Variants in ITGA8 observed in about 807,000 individuals in gnomAD.
ITGA8 encodes the protein integrin subunit alpha 8.
ITGA8 carries 91 observed loss-of-function variants against 142.3 expected under a neutral mutation model. The observed-to-expected ratio is 0.64, with a 90% confidence interval of 0.54 to 0.76. ITGA8 has a LOEUF of 0.76. Ranked by LOEUF, ITGA8 falls within the 30% of genes least tolerant of loss-of-function variation. The probability of loss-of-function intolerance (pLI) is 0.00; values close to 1 mark genes in which losing one functional copy is unlikely to be tolerated. For missense variants in ITGA8, 1,406 were observed against 1,327.7 expected (o/e 1.06, Z -0.92); for synonymous variants, 505 against 485.2 (o/e 1.04, Z -0.54).
At chr10:15,612,259 G>C (rs1833311705) in intron 15 of ITGA8, among the ~76,000 whole-genome samples, 1 of 152,086 alleles carries the variant, frequency 6.6e-6, no homozygotes, top group African/African-American at 2.4e-5. Context: ...GGTCCTCTAA[G>C]TCCCCACCCT....
intron 2 of ITGA8, among the ~76,000 whole-genome samples, chr10:15,715,462 G>C (rs1013085266): frequency 6.6e-6 from 1 of 152,172 alleles, no homozygotes; most frequent in Non-Finnish European, 1.5e-5. Context: ...AGGAAGGTGA[G>C]GGGAACAAGC....
chr10:15,554,024 G>A (rs1833841552), intron 26 of ITGA8, among the ~76,000 whole-genome samples: 2 of 151,976 alleles, frequency 1.3e-5, no homozygotes, highest in African/African-American at 4.8e-5. Context: ...CCATATGATG[G>A]GTAACACATT....
intron 25 of ITGA8, among the ~76,000 whole-genome samples, chr10:15,570,161 ATTAG>A (rs1834151538): frequency 6.6e-6 from 1 of 152,220 alleles, no homozygotes; most frequent in Non-Finnish European, 1.5e-5. Flanking sequence ...AATTGCTATG[ATTAG>A]TTATTTAAGG....
chr10:15,638,459 G>T (rs1257364871), intron 13 of ITGA8, among the ~76,000 whole-genome samples: 1 of 152,126 alleles, frequency 6.6e-6, no homozygotes, highest in Non-Finnish European at 1.5e-5. Flanking sequence ...CACAGAAAAG[G>T]GTTTACATCA....
Position 15,514,974 on chromosome 10 carries a change from T to C in ITGA8, c.*2184A>G, listed in dbSNP as rs1249755185. Reference sequence around the variant, plus strand: ...CTATCTCAACAGGGGTCTTTTTTTATGTAACCCTAAGAGTTCTCAGTTCCT... The same window carrying C: ...CTATCTCAACAGGGGTCTTTTTTTACGTAACCCTAAGAGTTCTCAGTTCCT... On this transcript the variant is annotated 3_prime_UTR_variant, in exon 30 of 30. Transcript: ENST00000378076. The C allele has an allele frequency of 1.3e-5, 2 of 152,202 alleles. No individual in the cohort carries two copies. Among genetic ancestry groups the C allele is most frequent in the African/African-American group, 4.8e-5 (2 of 41,444 alleles). The allele number at this position is 152,202 out of a possible 1,614,324, so 9.4% of individuals were successfully genotyped here. A position where few individuals can be genotyped will look rare whatever the true frequency, so the allele number is the denominator to read the frequency against.
At chr10:15,612,261 C>G (rs1029756931) in intron 15 of ITGA8, among the ~76,000 whole-genome samples, 1 of 152,150 alleles carries the variant, frequency 6.6e-6, no homozygotes, top group African/African-American at 2.4e-5. Context: ...TCCTCTAAGT[C>G]CCCACCCTCC....
chr10:15,529,974 G>A (rs928770519), intron 28 of ITGA8, among the ~76,000 whole-genome samples: 12 of 152,306 alleles, frequency 7.9e-5, no homozygotes, highest in Non-Finnish European at 1.3e-4. Flanking sequence ...ACAAGGTCTG[G>A]GGGACCAAGA....
intron 28 of ITGA8, among the ~76,000 whole-genome samples, chr10:15,527,528 C>A (rs1385837778): frequency 6.6e-6 from 1 of 152,154 alleles, no homozygotes; most frequent in Non-Finnish European, 1.5e-5. Context: ...TGTAACGATT[C>A]AGTGTTCAGG....
intron 26 of ITGA8, among the ~76,000 whole-genome samples, chr10:15,553,376 A>C (rs889920469): frequency 6.7e-6 from 1 of 150,352 alleles, no homozygotes; most frequent in Admixed American, 6.6e-5. Flanking sequence ...CATTTGACTT[A>C]AGTTTAACTG....
At position 15,516,880 on chromosome 10, in the gene ITGA8, AGT is replaced by A; in HGVS notation, c.*276_*277del. 3.6e-6 allele frequency: 1 copy of A among 277,656 alleles called. No individual in the cohort carries two copies. Among genetic ancestry groups the A allele is most frequent in the East Asian group, 9.3e-5 (1 of 10,790 alleles). The allele number at this position is 277,656 out of a possible 1,614,324, so 17.2% of individuals were successfully genotyped here. On this transcript the variant is annotated 3_prime_UTR_variant, in exon 30 of 30. Transcript: ENST00000378076. Reference sequence around the variant, plus strand: ...ACTTACGTTCCCATACGCATTTCAAAGTGTCTGCCAAGTACAGAACGATTAAA... The same window carrying A: ...ACTTACGTTCCCATACGCATTTCAAAGTCTGCCAAGTACAGAACGATTAAA...
At chr10:15,618,047 T>C (rs1349916212) in intron 13 of ITGA8, among the ~76,000 whole-genome samples, 1 of 152,086 alleles carries the variant, frequency 6.6e-6, no homozygotes, top group African/African-American at 2.4e-5. Flanking sequence ...GATGTAAAGA[T>C]GGTAATGATA....
intron 10 of ITGA8, among the ~76,000 whole-genome samples, chr10:15,655,869 T>G (rs1298984956): frequency 1.3e-5 from 2 of 152,104 alleles, no homozygotes; most frequent in African/African-American, 4.8e-5. Flanking sequence ...GAGGGTCACT[T>G]GAGTCCAGGG....
intron 13 of ITGA8, among the ~76,000 whole-genome samples, chr10:15,619,297 T>A (rs76019571): frequency 0.22 from 33,693 of 151,268 alleles, 3,955 homozygotes; most frequent in Admixed American, 0.32. Context: ...TGTTAAAATT[T>A]AAAAAAAAAT....
intron 23 of ITGA8, among the ~76,000 whole-genome samples, chr10:15,585,187 T>G (rs1021715503): frequency 1.3e-5 from 2 of 152,136 alleles, no homozygotes; most frequent in Admixed American, 1.3e-4. Flanking sequence ...AAATACGATT[T>G]TATGTAGATA....
chr10:15,592,733 T>C (rs994919870), intron 21 of ITGA8, among the ~76,000 whole-genome samples: 6 of 152,112 alleles, frequency 3.9e-5, no homozygotes, highest in Non-Finnish European at 7.4e-5. Context: ...GCCTCCCAAG[T>C]AGCAAGGGTC....
At chr10:15,561,245 A>ATATATATATATATATG (rs1554772750) in intron 25 of ITGA8, among the ~76,000 whole-genome samples, 22 of 133,792 alleles carry the variant, frequency 1.6e-4, no homozygotes, top group African/African-American at 6.1e-4. Context: ...GTATATATAT[A>ATATATATATATATATG]TATATATATG....
intron 8 of ITGA8, among the ~76,000 whole-genome samples, chr10:15,665,042 T>G (rs368325975): frequency 6.6e-5 from 10 of 152,132 alleles, no homozygotes; most frequent in Admixed American, 3.9e-4. Flanking sequence ...GTAATGGGAT[T>G]GCTGGGTCAA....
rs146740446 is a variant in ITGA8, at chr10:15,616,524, C to T, written c.1435G>A (p.Ala479Thr). Residue 479 changes from alanine (A) to threonine (T), a missense_variant, in exon 14 of 30, where the codon GCT (alanine) becomes ACT (threonine). Coordinates refer to ENST00000378076, the MANE Select transcript of ITGA8 (RefSeq NM_003638.3). ...CTACCAACCACATACCTGTAAACAGCGACTTTTCCTGTTCCAAATGCACCC... is the reference window on the plus strand; with the variant it reads ...CTACCAACCACATACCTGTAAACAGTGACTTTTCCTGTTCCAAATGCACCC... Reference protein sequence around the residue: ...IVGAFGTGKVAVYRARPVVTV... With the variant: ...IVGAFGTGKVTVYRARPVVTV... 5.5e-5 allele frequency: 89 copies of T among 1,610,690 alleles called. No homozygotes were observed. Among genetic ancestry groups the T allele is most frequent in the Middle Eastern group, 3.3e-4 (2 of 6,058 alleles).
chr10:15,668,607 C>T lies in ITGA8; in HGVS notation c.847+2996G>A, dbSNP rs570079242. Among the ~76,000 whole-genome samples the T allele has an allele frequency of 3.2e-4, 49 of 152,256 alleles. No homozygotes were observed. The East Asian group carries it at 9.5e-3, about 29-fold the overall frequency. On this transcript the variant is annotated intron_variant, in intron 8 of 29. Transcript: ENST00000378076. ...TGCTCGTTAGTTGATGCAGTTTCTT[C>T]CTAGCCTGGATGGTCTTTACAATTT...
Sources: gnomAD v4.1 joint callset for allele counts (sites outside exome capture counted in the v4.1 genomes callset) on GRCh38, gnomAD v4.1.1 for gene constraint, MANE v1.5 for transcripts, NCBI Gene and HGNC (gene_info 2026-07-23, HGNC 2026-07-21) for gene names.